Variants in FSHR observed in about 807,000 individuals in gnomAD.
FSHR encodes the protein follicle-stimulating hormone receptor.
Under a neutral mutation model 52.1 loss-of-function variants are expected in FSHR, and 46 were observed. That is an observed-to-expected ratio of 0.88 (90% CI 0.70 to 1.13). The LOEUF is 1.13. Ranked by LOEUF, FSHR falls within the 50% of genes most tolerant of loss-of-function variation. The pLI, the probability that FSHR is intolerant of heterozygous loss-of-function variation, is 0.00. For synonymous variants in FSHR, 399 were observed against 309.6 expected (o/e 1.29, Z -3.03); for missense variants, 964 against 834.6 (o/e 1.16, Z -1.91).
chr2:48,963,561 T>A lies in FSHR; in HGVS notation c.1260A>T (p.Ser420=), dbSNP rs749027712. The part of the protein sequence containing the change: ...CIGIYLLLIA[S]VDIHTKSQYH... ...ATTGGCTCTTGGTATGGATATCAAC[T>A]GATGCAATGAGCAGCAGGTAGATTC... The change falls in exon 10 of 10, where the codon TCA becomes TCT. Residue 420 remains serine, a synonymous_variant. Coordinates refer to ENST00000406846, the MANE Select transcript of FSHR (RefSeq NM_000145.4). The A allele has an allele frequency of 1.9e-6, 3 of 1,614,184 alleles. No individual in the cohort carries two copies. In the East Asian group the frequency reaches 6.7e-5, roughly 36 times the overall value.
At chr2:49,048,574 G>A (rs1049584705) in intron 2 of FSHR, among the ~76,000 whole-genome samples, 8 of 152,146 alleles carry the variant, frequency 5.3e-5, no homozygotes, top group Non-Finnish European at 8.8e-5. Context: ...GCATGCTCAC[G>A]TCCAAGTGCA....
At chr2:49,055,048 T>A (rs1195552801) in intron 2 of FSHR, among the ~76,000 whole-genome samples, 2 of 151,752 alleles carry the variant, frequency 1.3e-5, no homozygotes, top group Non-Finnish European at 2.9e-5. Context: ...TATAAAGAAA[T>A]ATATAAAATG....
chr2:48,998,276 G>A (rs1371946134), intron 4 of FSHR, among the ~76,000 whole-genome samples: 1 of 151,660 alleles, frequency 6.6e-6, no homozygotes, highest in African/African-American at 2.4e-5. Flanking sequence ...TTAATGAGGA[G>A]GAAGGCAACA....
chr2:49,087,300 G>A (rs1197291744), intron 1 of FSHR, among the ~76,000 whole-genome samples: 1 of 151,920 alleles, frequency 6.6e-6, no homozygotes, highest in Non-Finnish European at 1.5e-5. Flanking sequence ...ACATAAATGA[G>A]GGTAGTGTAT....
chr2:49,082,782 G>A (rs1670225112), intron 1 of FSHR, among the ~76,000 whole-genome samples: 1 of 152,042 alleles, frequency 6.6e-6, no homozygotes, highest in Non-Finnish European at 1.5e-5. Flanking sequence ...AAGCGAGGAG[G>A]GAAGTTTAGA....
intron 1 of FSHR, among the ~76,000 whole-genome samples, chr2:49,098,067 A>C (rs1670891553): frequency 6.6e-6 from 1 of 152,170 alleles, no homozygotes; most frequent in Non-Finnish European, 1.5e-5. Context: ...TAGGGTTACG[A>C]AATAAAATAA....
intron 2 of FSHR, among the ~76,000 whole-genome samples, chr2:49,033,910 C>T (rs1043065605): frequency 5.9e-5 from 9 of 152,168 alleles, no homozygotes; most frequent in African/African-American, 1.4e-4. Flanking sequence ...CCTTATATCA[C>T]ATCTGTCATA....
At chr2:49,067,523 C>T (rs1373603093) in intron 2 of FSHR, among the ~76,000 whole-genome samples, 2 of 152,044 alleles carry the variant, frequency 1.3e-5, no homozygotes, top group African/African-American at 4.8e-5. Flanking sequence ...CAGAGAAGAA[C>T]ATATTTCCCT....
At chr2:49,127,750 CT>C (rs371227642) in intron 1 of FSHR, among the ~76,000 whole-genome samples, 1,363 of 96,302 alleles carry the variant, frequency 0.014, 97 homozygotes, top group East Asian at 0.033. Flanking sequence ...TCTTCTTCTT[CT>C]TTCTTCTTCT....
chr2:48,963,429 G>C lies in FSHR; in HGVS notation c.1392C>G (p.Thr464=). The change falls in exon 10 of 10, where the codon ACC becomes ACG. Residue 464 remains threonine (T), a synonymous_variant. Coordinates refer to ENST00000406846, the MANE Select transcript of FSHR (RefSeq NM_000145.4). ...ELSVYTLTAI[T]LERWHTITHA... Reference sequence around the variant, plus strand: ...GCGTGATGGTATGCCATCTTTCCAAGGTGATAGCTGTCAGAGTGTAGACTG... The same window carrying C: ...GCGTGATGGTATGCCATCTTTCCAACGTGATAGCTGTCAGAGTGTAGACTG... The C allele has an allele frequency of 6.2e-7, 1 of 1,614,148 alleles. No individual in the cohort carries two copies. The highest frequency in any genetic ancestry group is 1.3e-5 in the African/African-American group (1 of 75,056).
rs70946839 is a variant in FSHR at position 48,985,697 on chromosome 2, G to GTT, written c.525-2533_525-2532dup. Among the ~76,000 whole-genome samples the GTT allele has an allele frequency of 9.3e-3, 926 of 99,588 alleles. 192 individuals carry two copies. The highest frequency in any genetic ancestry group is 0.031 in the African/African-American group (748 of 23,920). 65.3% of individuals were successfully genotyped at this position (99,588 alleles called of 152,430 possible). A position where few individuals can be genotyped will look rare whatever the true frequency, so the allele number is the denominator to read the frequency against. ...TTCAGTTTCAGGGGAGCAAGTACAG[G>GTT]TTTTTTTTTTTTTTTTTTTTTTTTT... On this transcript the variant is annotated intron_variant, in intron 6 of 9. Coordinates refer to ENST00000406846, the MANE Select transcript of FSHR (RefSeq NM_000145.4).
intron 2 of FSHR, among the ~76,000 whole-genome samples, chr2:49,020,951 A>G (rs1667674948): frequency 6.6e-6 from 1 of 152,122 alleles, no homozygotes; most frequent in Non-Finnish European, 1.5e-5. Flanking sequence ...GGTAGGATTG[A>G]GGGAGGGAGA....
At chr2:49,088,376 G>A (rs1457075050) in intron 1 of FSHR, among the ~76,000 whole-genome samples, 2 of 152,184 alleles carry the variant, frequency 1.3e-5, no homozygotes, top group Admixed American at 6.5e-5. Flanking sequence ...ACACAAAGAT[G>A]CCCCAAGAAG....
chr2:48,972,490 T>G (rs1046766688), intron 8 of FSHR, among the ~76,000 whole-genome samples: 1 of 152,226 alleles, frequency 6.6e-6, no homozygotes, highest in Non-Finnish European at 1.5e-5. Context: ...TCCCATTGTT[T>G]TAGAGATTTC....
intron 2 of FSHR, among the ~76,000 whole-genome samples, chr2:49,037,956 C>T (rs1558404464): frequency 6.6e-6 from 1 of 152,030 alleles, no homozygotes; most frequent in African/African-American, 2.4e-5. Flanking sequence ...AATCCACACT[C>T]AATAGTGAAA....
At chr2:49,129,152 A>G (rs1672173229) in intron 1 of FSHR, among the ~76,000 whole-genome samples, 1 of 151,358 alleles carries the variant, frequency 6.6e-6, no homozygotes, top group African/African-American at 2.4e-5. Context: ...TGCTCCTCAC[A>G]CAGCCCAGTA....
At chr2:48,986,092 A>G (rs551810112) in intron 6 of FSHR, among the ~76,000 whole-genome samples, 1 of 152,262 alleles carries the variant, frequency 6.6e-6, no homozygotes, top group South Asian at 2.1e-4. Context: ...CTGGGTAATA[A>G]CCATAGTACC....
At chr2:49,079,790 T>C (rs1670098679) in intron 1 of FSHR, among the ~76,000 whole-genome samples, 1 of 152,094 alleles carries the variant, frequency 6.6e-6, no homozygotes, top group Non-Finnish European at 1.5e-5. Flanking sequence ...AACTTTTAAA[T>C]AAAATGTCTG....
rs1031637143 is a variant in FSHR, at chr2:49,151,604, T to C, written c.152+2662A>G. The stretch of plus-strand genomic sequence containing the variant: ...TGTACATAGTAAAATGTAGGAATTG[T>C]TTTCCACCCGGTGAGCCTGAGTAAC... On this transcript the variant is annotated intron_variant, in intron 1 of 9. Coordinates refer to ENST00000406846, the MANE Select transcript of FSHR (RefSeq NM_000145.4). Among the ~76,000 whole-genome samples the C allele has an allele frequency of 2.1e-4, 32 of 152,250 alleles. No individual in the cohort carries two copies. The Middle Eastern group carries it at 0.024, about 113-fold the overall frequency.
Sources: allele counts gnomAD v4.1 joint callset (sites outside exome capture counted in the v4.1 genomes callset), GRCh38; gene constraint gnomAD v4.1.1; transcripts MANE v1.5; gene names NCBI Gene and HGNC (gene_info 2026-07-23, HGNC 2026-07-21).